The following ERC2 variants were observed in gnomAD, a reference collection of about 807,000 sequenced individuals.
ERC2 encodes the protein ELKS/RAB6-interacting/CAST family member 2.
Under a neutral mutation model 114.8 loss-of-function variants are expected in ERC2, and 42 were observed. The ratio of observed to expected loss-of-function variants is 0.37; its 90% CI spans 0.29 to 0.47. The LOEUF is 0.47. Ranked by LOEUF, ERC2 falls within the 20% of genes least tolerant of loss-of-function variation. ERC2 has a pLI of 0.99. For missense variants in ERC2, 939 were observed against 1,150.7 expected (o/e 0.82, Z 2.66); for synonymous variants, 454 against 425.5 (o/e 1.07, Z -0.82).
intron 7 of ERC2, among the ~76,000 whole-genome samples, chr3:56,064,205 CT>C (rs2149712899): frequency 6.6e-6 from 1 of 152,258 alleles, no homozygotes; most frequent in Admixed American, 6.5e-5. Context: ...TGCCATCTAC[CT>C]GTCCCAAAGA....
At chr3:56,004,968 AT>A (rs964513223) in intron 10 of ERC2, among the ~76,000 whole-genome samples, 3 of 147,858 alleles carry the variant, frequency 2.0e-5, no homozygotes, top group Admixed American at 6.7e-5. Flanking sequence ...GTAGATCTCA[AT>A]TTTTTTAAGG....
At chr3:56,007,032 G>T in intron 10 of ERC2, 149 bp downstream of exon 10, 1 of 644,192 alleles carries the variant, frequency 1.6e-6, no homozygotes, top group Non-Finnish European at 2.5e-6. Context: ...AGACTTCTTA[G>T]CAATAAAGTT....
Position 55,526,584 on chromosome 3 carries a change from G to A in ERC2, c.*40-15308C>T, listed in dbSNP as rs139410670. Among the ~76,000 whole-genome samples the A allele has an allele frequency of 2.8e-3, 421 of 152,258 alleles. 1 individual carries two copies. Among genetic ancestry groups the A allele is most frequent in the African/African-American group, 9.6e-3 (400 of 41,546 alleles). The stretch of plus-strand genomic sequence containing the variant: ...ACCAAAAGTCAATATTTGTCCACAG[G>A]CAACAGTTGTGTTTGCACTATGAAA... On this transcript the variant is annotated intron_variant, in intron 17 of 17. Coordinates refer to ENST00000288221, the MANE Select transcript of ERC2 (RefSeq NM_015576.3).
chr3:55,832,567 CT>C (rs1266012849), intron 14 of ERC2, among the ~76,000 whole-genome samples: 3 of 152,226 alleles, frequency 2.0e-5, no homozygotes, highest in African/African-American at 7.2e-5. Context: ...AGAAGGAAAA[CT>C]AACAAACAGA....
In ERC2 at chr3:55,917,050, C is replaced by T. The variant is rs76289732; in HGVS notation, c.2404-28501G>A. Among the ~76,000 whole-genome samples, 463 of 152,104 alleles carry T rather than the reference C, an allele frequency of 3.0e-3. 2 individuals are homozygous for T. The highest frequency in any genetic ancestry group is 0.01 in the African/African-American group (434 of 41,496). ...AAAAACAAGATATATTTGAGAAAAGCCATATGAAAATTAGGTCATAATCTG... is the reference window on the plus strand; with the variant it reads ...AAAAACAAGATATATTTGAGAAAAGTCATATGAAAATTAGGTCATAATCTG... On this transcript the variant is annotated intron_variant, in intron 13 of 17. Coordinates refer to ENST00000288221, the MANE Select transcript of ERC2 (RefSeq NM_015576.3).
chr3:56,413,719 C>T lies in ERC2; in HGVS notation c.657+20632G>A, dbSNP rs77611904. The stretch of plus-strand genomic sequence containing the variant: ...CTATATTTTTTCAAAGAATAATGCT[C>T]ATTGCACAGTGCCTTCTGACTTATT... On this transcript the variant is annotated intron_variant, in intron 2 of 17. Coordinates refer to ENST00000288221, the MANE Select transcript of ERC2 (RefSeq NM_015576.3). Among the ~76,000 whole-genome samples the T allele has an allele frequency of 7.9e-5, 12 of 152,324 alleles. No homozygotes were observed. The East Asian group carries it at 1.7e-3, about 22-fold the overall frequency.
At chr3:55,838,351 A>G (rs1307490214) in intron 14 of ERC2, among the ~76,000 whole-genome samples, 2 of 152,138 alleles carry the variant, frequency 1.3e-5, no homozygotes, top group East Asian at 3.8e-4. Flanking sequence ...GATTATAAAA[A>G]GTATGTTTTC....
chr3:55,626,290 G>C (rs1251078171), intron 17 of ERC2, among the ~76,000 whole-genome samples: 2 of 152,178 alleles, frequency 1.3e-5, no homozygotes, highest in African/African-American at 4.8e-5. Flanking sequence ...ACAATCAAAG[G>C]AGGTCAGGCA....
intron 1 of ERC2, among the ~76,000 whole-genome samples, chr3:56,450,591 C>T (rs1048743078): frequency 6.6e-6 from 1 of 152,098 alleles, no homozygotes; most frequent in Non-Finnish European, 1.5e-5. Flanking sequence ...TTTTGGGAGA[C>T]CAAGGTGGGA....
intron 14 of ERC2, among the ~76,000 whole-genome samples, chr3:55,776,444 G>A (rs1431972126): frequency 6.6e-6 from 1 of 152,188 alleles, no homozygotes; most frequent in Admixed American, 6.5e-5. Context: ...CAGGGATGGA[G>A]CAGGGAAGCC....
intron 6 of ERC2, among the ~76,000 whole-genome samples, chr3:56,103,129 G>A (rs184628245): frequency 1.3e-5 from 2 of 152,238 alleles, no homozygotes; most frequent in Admixed American, 1.3e-4. Context: ...TATTGAAGAT[G>A]AGACGAAAGA....
intron 7 of ERC2, among the ~76,000 whole-genome samples, chr3:56,045,004 G>C (rs1384475563): frequency 6.6e-6 from 1 of 152,160 alleles, no homozygotes; most frequent in Non-Finnish European, 1.5e-5. Flanking sequence ...ACATGTGCTA[G>C]AAATAGAAAC....
chr3:56,204,922 CTG>C (rs58831473), intron 3 of ERC2, among the ~76,000 whole-genome samples: 44,079 of 149,720 alleles, frequency 0.29, 7,547 homozygotes, highest in Non-Finnish European at 0.38. Context: ...TGGGACGTGT[CTG>C]TGTGTGTGTG....
chr3:55,543,704 T>C (rs1420923886), intron 17 of ERC2, among the ~76,000 whole-genome samples: 3 of 152,140 alleles, frequency 2.0e-5, no homozygotes, highest in African/African-American at 7.2e-5. Context: ...GTCCATAGGA[T>C]CTGGAGGAGG....
intron 2 of ERC2, among the ~76,000 whole-genome samples, chr3:56,321,636 C>T (rs371270831): frequency 2.0e-5 from 3 of 152,284 alleles, no homozygotes; most frequent in African/African-American, 7.2e-5. Flanking sequence ...GTTGGACTGT[C>T]TCTGATTATA....
chr3:55,705,174 A>C (rs1356444520), intron 15 of ERC2, among the ~76,000 whole-genome samples: 1 of 152,160 alleles, frequency 6.6e-6, no homozygotes, highest in Non-Finnish European at 1.5e-5. Flanking sequence ...GTATGGTTTA[A>C]ATGGATGTTC....
At chr3:56,070,468 TAAA>T (rs397876769) in intron 7 of ERC2, among the ~76,000 whole-genome samples, 2 of 46,486 alleles carry the variant, frequency 4.3e-5, no homozygotes, top group East Asian at 2.8e-3. Context: ...AAACCTTTTT[TAAA>T]AAAAAAAAAA....
At chr3:56,363,363 T>C (rs1434358701) in intron 2 of ERC2, among the ~76,000 whole-genome samples, 1 of 152,180 alleles carries the variant, frequency 6.6e-6, no homozygotes, top group African/African-American at 2.4e-5. Flanking sequence ...CAAATACTCA[T>C]GCCTGCCAAC....
intron 17 of ERC2, among the ~76,000 whole-genome samples, chr3:55,604,582 C>T (rs2058560566): frequency 6.6e-6 from 1 of 152,112 alleles, no homozygotes; most frequent in African/African-American, 2.4e-5. Flanking sequence ...GAGAGAACAG[C>T]AACAGATGAG....
Sources: allele counts gnomAD v4.1 joint callset (sites outside exome capture counted in the v4.1 genomes callset), GRCh38; gene constraint gnomAD v4.1.1; transcripts MANE v1.5; gene names NCBI Gene and HGNC (gene_info 2026-07-23, HGNC 2026-07-21).